Variants in BEND6 observed in about 807,000 individuals in gnomAD.
The protein encoded by BEND6 is BEN domain containing 6.
In BEND6, 24 loss-of-function variants were observed where a neutral mutation model predicts 31.8. The observed-to-expected ratio is 0.75, with a 90% CI of 0.55 to 1.06. BEND6 has a LOEUF of 1.06. Among genes scored for constraint, BEND6 ranks in the 50% least tolerant of loss-of-function variants. The pLI, the probability that BEND6 is intolerant of heterozygous loss-of-function variation, is 0.00. For missense variants in BEND6, 294 were observed against 327.4 expected (o/e 0.90, Z 0.79); for synonymous variants, 109 against 114.6 (o/e 0.95, Z 0.31).
At chr6:56,963,259 T>G (rs1825349209) in intron 1 of BEND6, among the ~76,000 whole-genome samples, 1 of 152,174 alleles carries the variant, frequency 6.6e-6, no homozygotes, top group African/African-American at 2.4e-5. Flanking sequence ...AGGCTACCCC[T>G]ACCCAGATTA....
chr6:57,022,402 A>G (rs1047925872), intron 6 of BEND6, among the ~76,000 whole-genome samples: 1 of 151,566 alleles, frequency 6.6e-6, no homozygotes, highest in African/African-American at 2.4e-5. Flanking sequence ...AGGTTTTCCA[A>G]TTTGTTGGCA....
At chr6:57,018,051 G>A (rs1478154068) in intron 5 of BEND6, among the ~76,000 whole-genome samples, 2 of 152,138 alleles carry the variant, frequency 1.3e-5, no homozygotes, top group Non-Finnish European at 2.9e-5. Flanking sequence ...GGTTTGGGAG[G>A]CTGAGGCAGA....
At chr6:56,965,671 A>C (rs1825449000) in intron 1 of BEND6, among the ~76,000 whole-genome samples, 1 of 121,226 alleles carries the variant, frequency 8.2e-6, no homozygotes, top group African/African-American at 3.5e-5. Flanking sequence ...CACACACAAA[A>C]AAATTTATAT....
At chr6:56,966,461 A>G (rs1406594221) in intron 1 of BEND6, among the ~76,000 whole-genome samples, 2 of 152,236 alleles carry the variant, frequency 1.3e-5, no homozygotes, top group African/African-American at 2.4e-5. Flanking sequence ...TAGTAACACA[A>G]TAATAGCCAA....
intron 3 of BEND6, among the ~76,000 whole-genome samples, chr6:57,006,889 C>T (rs1036052070): frequency 4.6e-5 from 7 of 152,078 alleles, no homozygotes; most frequent in Admixed American, 4.6e-4. Context: ...CACATTAGAC[C>T]AATAGGACAG....
intron 2 of BEND6, among the ~76,000 whole-genome samples, chr6:56,982,262 C>A (rs1008168113): frequency 6.6e-6 from 1 of 152,142 alleles, no homozygotes; most frequent in African/African-American, 2.4e-5. Flanking sequence ...TAGAAACATA[C>A]TCAACAATTG....
chr6:57,014,828 A>G lies in BEND6; in HGVS notation c.299-305A>G, dbSNP rs1451416906. ...CTCAACACCTTCAAATAAAACCCCT[A>G]GCAACTAGAAAAAAAAGAATCAACT... On this transcript the variant is annotated intron_variant, in intron 3 of 6. Coordinates refer to ENST00000370746, the MANE Select transcript of BEND6 (RefSeq NM_152731.3). 2.6e-5 allele frequency among the ~76,000 whole-genome samples: 4 copies of G among 152,180 alleles called. No individual in the cohort carries two copies. In the East Asian group the frequency reaches 7.7e-4, roughly 29 times the overall value.
intron 1 of BEND6, among the ~76,000 whole-genome samples, chr6:56,963,852 A>G (rs930633941): frequency 6.8e-6 from 1 of 147,866 alleles, no homozygotes; most frequent in Admixed American, 6.8e-5. Context: ...CTAATACAAT[A>G]CTAGTAGTGG....
intron 3 of BEND6, among the ~76,000 whole-genome samples, chr6:57,012,554 C>T (rs1827383689): frequency 6.6e-6 from 1 of 152,146 alleles, no homozygotes; most frequent in Admixed American, 6.5e-5. Context: ...GCTCAGACTT[C>T]ATGTAAGGTT....
chr6:56,979,767 G>A (rs1303238926), intron 1 of BEND6, among the ~76,000 whole-genome samples: 2 of 152,090 alleles, frequency 1.3e-5, no homozygotes, highest in Non-Finnish European at 2.9e-5. Flanking sequence ...TTGGCCTATT[G>A]GCTTGCAGTA....
intron 3 of BEND6, chr6:57,008,665 T>C (rs1056727750): frequency 6.5e-6 from 1 of 154,326 alleles, no homozygotes; most frequent in Non-Finnish European, 1.4e-5. Context: ...AAAAAAATGC[T>C]CAACATCACT....
chr6:56,974,148 T>C (rs1825792461), intron 1 of BEND6, among the ~76,000 whole-genome samples: 1 of 152,172 alleles, frequency 6.6e-6, no homozygotes, highest in African/African-American at 2.4e-5. Flanking sequence ...GCAAAAGTGT[T>C]GGTAAGGGGA....
In BEND6 at chr6:57,008,262, G is replaced by T. The variant is rs746484272; in HGVS notation, c.299-6871G>T. 5.7e-6 allele frequency: 4 copies of T among 702,234 alleles called. No homozygotes were observed. In the African/African-American group the frequency reaches 7.0e-5, roughly 12 times the overall value. The allele number at this position is 702,234 out of a possible 1,614,324, so 43.5% of individuals were successfully genotyped here. ...TGTTACCTTGACTCATCTCAGATAC[G>T]GGTCCTGGTGCTAGGAATCAAAGAC... On this transcript the variant is annotated intron_variant, in intron 3 of 6. Transcript: ENST00000370746.
At chr6:56,998,664 T>C (rs1213939049) in intron 3 of BEND6, among the ~76,000 whole-genome samples, 1 of 151,184 alleles carries the variant, frequency 6.6e-6, no homozygotes, top group Non-Finnish European at 1.5e-5. Flanking sequence ...ATGGAACTTC[T>C]AGAAGAAAAC....
At chr6:56,994,073 G>A (rs797009990) in intron 3 of BEND6, among the ~76,000 whole-genome samples, 5 of 152,210 alleles carry the variant, frequency 3.3e-5, no homozygotes, top group African/African-American at 1.2e-4. Context: ...GATTTCCAAA[G>A]AATACATAAT....
At chr6:57,018,614 T>C in intron 6 of BEND6, 57 bp downstream of exon 6, 1 of 1,363,004 alleles carries the variant, frequency 7.3e-7, no homozygotes, top group Non-Finnish European at 9.6e-7. Flanking sequence ...CATAATACTT[T>C]TATTTTATTG....
At chr6:57,024,373 T>C (rs900134839) in intron 6 of BEND6, among the ~76,000 whole-genome samples, 1 of 152,230 alleles carries the variant, frequency 6.6e-6, no homozygotes, top group African/African-American at 2.4e-5. Context: ...AAGAGCTCTC[T>C]TTAGATTTCT....
At chr6:56,999,281 G>A (rs534806629) in intron 3 of BEND6, among the ~76,000 whole-genome samples, 9 of 151,854 alleles carry the variant, frequency 5.9e-5, no homozygotes, top group Non-Finnish European at 8.8e-5. Flanking sequence ...ATGGCATGGA[G>A]GCCATCTCTG....
chr6:57,025,588 A>G (rs909591920), intron 6 of BEND6, among the ~76,000 whole-genome samples: 14 of 152,234 alleles, frequency 9.2e-5, no homozygotes, highest in Admixed American at 6.5e-4. Flanking sequence ...CACCTCTTAC[A>G]GTGTAGTCCT....
Sources: allele counts gnomAD v4.1 joint callset (sites outside exome capture counted in the v4.1 genomes callset), GRCh38; gene constraint gnomAD v4.1.1; transcripts MANE v1.5; gene names NCBI Gene and HGNC (gene_info 2026-07-23, HGNC 2026-07-21).